ZYG11B: variants seen among roughly 807,000 people sequenced by gnomAD.
ZYG11B encodes zyg-11 family member B, cell cycle regulator.
ZYG11B carries 36 observed loss-of-function variants against 82.4 expected under a neutral mutation model. The ratio of observed to expected loss-of-function variants is 0.44; its 90% CI spans 0.33 to 0.58. ZYG11B has a LOEUF of 0.58. Among genes scored for constraint, ZYG11B ranks in the 20% least tolerant of loss-of-function variants. The pLI, the probability that ZYG11B is intolerant of heterozygous loss-of-function variation, is 0.02. For missense variants in ZYG11B, 552 were observed against 895.6 expected (o/e 0.62, Z 4.90); for synonymous variants, 303 against 312.8 (o/e 0.97, Z 0.33).
At position 52,779,906 on chromosome 1, in the gene ZYG11B, T is replaced by C. The variant is rs1164823644; in HGVS notation, c.1005T>C (p.Ser335=). The C allele has an allele frequency of 1.2e-6, 2 of 1,614,222 alleles. No individual in the cohort carries two copies. Among genetic ancestry groups the C allele is most frequent in the Admixed American group, 3.3e-5 (2 of 60,024 alleles). The stretch of plus-strand genomic sequence containing the variant: ...TTGCAGAAGCACTGAAGCGTTACAG[T>C]GAACGGGCATTCTTTGTTCGGGAAG... ...TQIAEALKRY[S]ERAFFVREAL... Residue 335 remains serine (S), a synonymous_variant, in exon 4 of 14, where the codon AGT becomes AGC. Coordinates refer to ENST00000294353, the MANE Select transcript of ZYG11B (RefSeq NM_024646.3).
At chr1:52,767,074 ATGT>A (rs1213991759) in intron 2 of ZYG11B, among the ~76,000 whole-genome samples, 2 of 137,658 alleles carry the variant, frequency 1.5e-5, no homozygotes, top group East Asian at 4.0e-4. Context: ...TTTATTTTTT[ATGT>A]TATTTTATGT....
chr1:52,787,315 AT>A (rs1413277142), intron 5 of ZYG11B, among the ~76,000 whole-genome samples: 1 of 152,210 alleles, frequency 6.6e-6, no homozygotes, highest in Non-Finnish European at 1.5e-5. Context: ...ATGTGATTCA[AT>A]TTACTTACAG....
intron 10 of ZYG11B, among the ~76,000 whole-genome samples, chr1:52,803,163 TATATACACACATATATATATATATACAC>T (rs1558140289): frequency 6.8e-5 from 5 of 73,196 alleles, no homozygotes; most frequent in African/African-American, 6.6e-4. Context: ...TACACATATA[TATATACACACATATATATATATATACAC>T]ATATATATAT....
intron 3 of ZYG11B, among the ~76,000 whole-genome samples, chr1:52,776,229 A>AAAAAAAAAATATATATATATATAT: frequency 7.2e-4 from 17 of 23,540 alleles, no homozygotes; most frequent in African/African-American, 1.0e-3. Flanking sequence ...TAAAAAAAAA[A>AAAAAAAAAATATATATATATATAT]ATATATATAT....
intron 2 of ZYG11B, among the ~76,000 whole-genome samples, chr1:52,769,262 C>T (rs574720852): frequency 3.9e-5 from 6 of 152,178 alleles, no homozygotes; most frequent in South Asian, 4.1e-4. Context: ...GAAAGGCTGT[C>T]TCTAGAACTA....
intron 1 of ZYG11B, among the ~76,000 whole-genome samples, chr1:52,732,305 A>G (rs561199533): frequency 4.7e-4 from 71 of 152,318 alleles, no homozygotes; most frequent in African/African-American, 1.7e-3. Context: ...CAGAAGCACA[A>G]GTGGAGAAAT....
chr1:52,788,370 A>G (rs1336802013), intron 5 of ZYG11B, among the ~76,000 whole-genome samples: 3 of 152,198 alleles, frequency 2.0e-5, no homozygotes, highest in African/African-American at 4.8e-5. Flanking sequence ...GCAGTAAGGC[A>G]TAGATTCAGT....
At chr1:52,780,979 C>G (rs1644851575) in intron 4 of ZYG11B, among the ~76,000 whole-genome samples, 1 of 151,924 alleles carries the variant, frequency 6.6e-6, no homozygotes. Flanking sequence ...CCCATCTCTA[C>G]TAAAAATACA....
At chr1:52,776,961 G>T (rs1007535226) in intron 3 of ZYG11B, among the ~76,000 whole-genome samples, 2 of 152,200 alleles carry the variant, frequency 1.3e-5, no homozygotes, top group East Asian at 3.8e-4. Context: ...TGTAATCCCA[G>T]CACTTTAGGA....
At chr1:52,748,138 A>G (rs1254630817) in intron 1 of ZYG11B, among the ~76,000 whole-genome samples, 1 of 152,188 alleles carries the variant, frequency 6.6e-6, no homozygotes, top group Non-Finnish European at 1.5e-5. Flanking sequence ...TATATTGGCC[A>G]TGTGAATATG....
chr1:52,826,489 G>A lies in ZYG11B; in HGVS notation c.*4860G>A, dbSNP rs562494340. 1.3e-5 allele frequency: 2 copies of A among 152,228 alleles called. No homozygotes were observed. The highest frequency in any genetic ancestry group is 2.1e-4 in the South Asian group (1 of 4,820). 9.4% of individuals were successfully genotyped at this position (152,228 alleles called of 1,614,324 possible). On this transcript the variant is annotated 3_prime_UTR_variant, in exon 14 of 14. Transcript: ENST00000294353. ...CTCATCGTGCTTTAAATGATTAACTGTTTTACCTTATTTAGTATTTCATAG... is the reference window on the plus strand; with the variant it reads ...CTCATCGTGCTTTAAATGATTAACTATTTTACCTTATTTAGTATTTCATAG...
chr1:52,759,691 A>G (rs4926931), intron 2 of ZYG11B, among the ~76,000 whole-genome samples: 15,735 of 152,246 alleles, frequency 0.1, 1,816 homozygotes, highest in East Asian at 0.35. Context: ...ATTTGATACT[A>G]CTGAGAATAT....
At chr1:52,799,788 C>T (rs1645060464) in intron 8 of ZYG11B, among the ~76,000 whole-genome samples, 1 of 151,782 alleles carries the variant, frequency 6.6e-6, no homozygotes, top group South Asian at 2.1e-4. Flanking sequence ...GAGTGAGACT[C>T]CGTCTCAAAA....
intron 1 of ZYG11B, among the ~76,000 whole-genome samples, chr1:52,727,315 T>C (rs1189479251): frequency 6.6e-6 from 1 of 152,092 alleles, no homozygotes. Context: ...TAGGGATTTA[T>C]AGGTTTGCTT....
chr1:52,800,275 C>A (rs904527355), intron 8 of ZYG11B, among the ~76,000 whole-genome samples: 780 of 119,218 alleles, frequency 6.5e-3, no homozygotes, highest in Admixed American at 6.7e-3. Context: ...GATTCCATGT[C>A]AAAAAAAAAA....
chr1:52,775,470 C>T (rs1462210656), intron 3 of ZYG11B, among the ~76,000 whole-genome samples: 1 of 151,440 alleles, frequency 6.6e-6, no homozygotes, highest in African/African-American at 2.4e-5. Context: ...GCGGGCGGAT[C>T]ACTTGAGGTC....
intron 8 of ZYG11B, among the ~76,000 whole-genome samples, chr1:52,798,575 C>T (rs1006151974): frequency 3.3e-5 from 5 of 152,168 alleles, no homozygotes; most frequent in African/African-American, 9.7e-5. Context: ...GACGCCACTG[C>T]ACTCCAGCCT....
At chr1:52,783,471 G>A (rs1644873845) in intron 4 of ZYG11B, among the ~76,000 whole-genome samples, 1 of 151,964 alleles carries the variant, frequency 6.6e-6, no homozygotes, top group Non-Finnish European at 1.5e-5. Flanking sequence ...GAAGGGATTT[G>A]TTTTACAAAG....
chr1:52,727,374 A>G (rs10888752), intron 1 of ZYG11B, among the ~76,000 whole-genome samples: 13,781 of 152,064 alleles, frequency 0.091, 1,519 homozygotes, highest in East Asian at 0.35. Flanking sequence ...AAGCCTATTC[A>G]CCTAGTGTCA....
Sources: gnomAD v4.1 joint callset for allele counts (sites outside exome capture counted in the v4.1 genomes callset) on GRCh38, gnomAD v4.1.1 for gene constraint, MANE v1.5 for transcripts, NCBI Gene and HGNC (gene_info 2026-07-23, HGNC 2026-07-21) for gene names.